The following PCDH9 variants were observed in gnomAD, a reference collection of about 807,000 sequenced individuals.
The protein encoded by PCDH9 is protocadherin 9, also known as protocadherin-9.
In PCDH9, 24 loss-of-function variants were observed where a neutral mutation model predicts 70.6. The ratio of observed to expected loss-of-function variants is 0.34; its 90% CI spans 0.25 to 0.48. The LOEUF is 0.48. Ranked by LOEUF, PCDH9 falls within the 20% of genes least tolerant of loss-of-function variation. The pLI, the probability that PCDH9 is intolerant of heterozygous loss-of-function variation, is 0.99. For missense variants in PCDH9, 1,281 were observed against 1,503.6 expected (o/e 0.85, Z 2.45); for synonymous variants, 562 against 558.5 (o/e 1.01, Z -0.09).
chr13:66,460,080 C>T (rs541821504), intron 4 of PCDH9, among the ~76,000 whole-genome samples: 12 of 151,948 alleles, frequency 7.9e-5, no homozygotes, highest in African/African-American at 2.9e-4. Flanking sequence ...TCACTTTATA[C>T]CACTTAAATT....
At chr13:66,597,471 C>G (rs1240929516) in intron 4 of PCDH9, among the ~76,000 whole-genome samples, 2 of 151,676 alleles carry the variant, frequency 1.3e-5, no homozygotes, top group African/African-American at 4.8e-5. Flanking sequence ...CAAGACGACA[C>G]AATGGGGAAA....
chr13:66,743,257 C>T (rs1197622807), intron 3 of PCDH9, among the ~76,000 whole-genome samples: 3 of 99,646 alleles, frequency 3.0e-5, no homozygotes, highest in Admixed American at 1.2e-4. Context: ...AAAAACCAAA[C>T]ACCGCATATT....
At chr13:66,792,041 G>A (rs1025170819) in intron 3 of PCDH9, among the ~76,000 whole-genome samples, 2 of 152,128 alleles carry the variant, frequency 1.3e-5, no homozygotes, top group Non-Finnish European at 2.9e-5. Flanking sequence ...CTCCATCAAA[G>A]TGCTCTGCAA....
chr13:66,465,943 T>C (rs1958506372), intron 4 of PCDH9, among the ~76,000 whole-genome samples: 1 of 152,002 alleles, frequency 6.6e-6, no homozygotes, highest in Admixed American at 6.6e-5. Flanking sequence ...AAAGAAAGGT[T>C]GACTTAAGTC....
At position 66,558,312 on chromosome 13, in the gene PCDH9, C is replaced by CT. The variant is rs1961834254; in HGVS notation, c.3340+72897dup. Reference sequence around the variant, plus strand: ...TTACAAACTATTAAACAAATGTATGCTTTTTTTAAAAAAGCCTTTTATGAC... The same window carrying CT: ...TTACAAACTATTAAACAAATGTATGCTTTTTTTTAAAAAAGCCTTTTATGAC... On this transcript the variant is annotated intron_variant, in intron 4 of 4. Coordinates refer to ENST00000377865, the MANE Select transcript of PCDH9 (RefSeq NM_203487.3). Among the ~76,000 whole-genome samples, 10 of 152,056 alleles carry CT rather than the reference C, an allele frequency of 6.6e-5. No individual in the cohort carries two copies. In the South Asian group the frequency reaches 1.9e-3, roughly 29 times the overall value.
At chr13:66,342,863 C>G (rs1956155094) in intron 4 of PCDH9, among the ~76,000 whole-genome samples, 1 of 151,546 alleles carries the variant, frequency 6.6e-6, no homozygotes. Context: ...CCAGGCTGGC[C>G]TCGAACTCCT....
chr13:66,820,264 T>C (rs1371019608), intron 3 of PCDH9, among the ~76,000 whole-genome samples: 1 of 152,192 alleles, frequency 6.6e-6, no homozygotes, highest in Admixed American at 6.5e-5. Context: ...TACTGCAAGA[T>C]AAAAGCAGGT....
intron 3 of PCDH9, among the ~76,000 whole-genome samples, chr13:66,832,432 T>G (rs1428541189): frequency 6.6e-6 from 1 of 152,040 alleles, no homozygotes; most frequent in Non-Finnish European, 1.5e-5. Flanking sequence ...ATTATAATAA[T>G]TATTAACACT....
intron 3 of PCDH9, among the ~76,000 whole-genome samples, chr13:66,857,548 G>A (rs1196032260): frequency 1.3e-5 from 2 of 152,038 alleles, no homozygotes; most frequent in Non-Finnish European, 2.9e-5. Flanking sequence ...ATGTCTAGAG[G>A]TCACCAGGAA....
chr13:67,151,939 T>G (rs766148587), intron 2 of PCDH9, among the ~76,000 whole-genome samples: 9 of 152,096 alleles, frequency 5.9e-5, no homozygotes, highest in Non-Finnish European at 1.2e-4. Flanking sequence ...TAATTTTTTT[T>G]TTGTTACAAG....
intron 3 of PCDH9, among the ~76,000 whole-genome samples, chr13:66,715,550 A>G (rs2078856963): frequency 1.3e-5 from 2 of 152,170 alleles, no homozygotes; most frequent in African/African-American, 2.4e-5. Context: ...TTTCAACTCT[A>G]TAATTAACTC....
At chr13:67,129,165 G>A (rs537082098) in intron 2 of PCDH9, among the ~76,000 whole-genome samples, 1 of 152,040 alleles carries the variant, frequency 6.6e-6, no homozygotes, top group South Asian at 2.1e-4. Context: ...CTTCCACATC[G>A]TTGTAAAGTA....
intron 4 of PCDH9, among the ~76,000 whole-genome samples, chr13:66,561,032 G>A (rs1459090188): frequency 3.3e-5 from 5 of 152,230 alleles, no homozygotes; most frequent in Admixed American, 2.0e-4. Flanking sequence ...CAAGGCCGGA[G>A]CCGGCTGCCT....
chr13:66,477,758 C>G (rs1594041563), intron 4 of PCDH9, among the ~76,000 whole-genome samples: 1 of 152,282 alleles, frequency 6.6e-6, no homozygotes, highest in East Asian at 1.9e-4. Flanking sequence ...GAATCCACAT[C>G]CCACAGGGAT....
At chr13:67,092,898 C>G (rs1045965713) in intron 2 of PCDH9, among the ~76,000 whole-genome samples, 8 of 148,634 alleles carry the variant, frequency 5.4e-5, no homozygotes, top group African/African-American at 2.0e-4. Flanking sequence ...ATCAGATTCA[C>G]TTATGAACTG....
chr13:67,111,581 A>G (rs2086659611), intron 2 of PCDH9, among the ~76,000 whole-genome samples: 1 of 152,204 alleles, frequency 6.6e-6, no homozygotes, highest in African/African-American at 2.4e-5. Flanking sequence ...TTTCAAATTC[A>G]CTGTTACATT....
intron 4 of PCDH9, among the ~76,000 whole-genome samples, chr13:66,409,307 TCTGTATTTG>T (rs1957332971): frequency 6.6e-6 from 1 of 152,218 alleles, no homozygotes; most frequent in Admixed American, 6.5e-5. Context: ...AAACATGATT[TCTGTATTTG>T]CTGTATTTCA....
chr13:66,712,804 G>GTT, intron 3 of PCDH9, among the ~76,000 whole-genome samples: 1 of 152,008 alleles, frequency 6.6e-6, no homozygotes, highest in Admixed American at 6.6e-5. Context: ...GGCTTTTCCT[G>GTT]CACAAACTAG....
rs80214225 is a variant in PCDH9 at position 66,634,402 on chromosome 13, T to C, written c.3139-2991A>G. Among the ~76,000 whole-genome samples, 634 of 152,254 alleles carry C rather than the reference T, an allele frequency of 4.2e-3. 19 individuals are homozygous for C. In the East Asian group the frequency reaches 0.081, roughly 19 times the overall value. ...GATGTAAGGAGATGAACTGAATAAA[T>C]TGACATGCAGAAAAACAAAGACCAA... On this transcript the variant is annotated intron_variant, in intron 3 of 4. Transcript: ENST00000377865.
Sources: allele counts gnomAD v4.1 joint callset (sites outside exome capture counted in the v4.1 genomes callset), GRCh38; gene constraint gnomAD v4.1.1; transcripts MANE v1.5; gene names NCBI Gene and HGNC (gene_info 2026-07-23, HGNC 2026-07-21).